The following IRF8 variants were observed in gnomAD, a reference collection of about 807,000 sequenced individuals.
IRF8 encodes the protein interferon regulatory factor 8.
In IRF8, 14 loss-of-function variants were observed where a neutral mutation model predicts 48.7. That is an observed-to-expected ratio of 0.29 (90% CI 0.19 to 0.45). IRF8 has a LOEUF of 0.45. IRF8 is among the 20% of genes least tolerant of loss of function. The probability of loss-of-function intolerance (pLI) is 1.00; values close to 1 mark genes in which losing one functional copy is unlikely to be tolerated. For synonymous variants in IRF8, 278 were observed against 227.3 expected (o/e 1.22, Z -2.01); for missense variants, 493 against 580.7 (o/e 0.85, Z 1.55).
At chr16:85,912,316 A>G (rs1475603919) in intron 4 of IRF8, among the ~76,000 whole-genome samples, 3 of 152,234 alleles carry the variant, frequency 2.0e-5, no homozygotes, top group Non-Finnish European at 4.4e-5. Flanking sequence ...TTTCATGGGT[A>G]TTACAAGGTG....
Position 85,913,239 on chromosome 16 carries a change from G to A in IRF8, c.553+3G>A. ...GTGGGCGCAGCAGCCCAGCACAGGT[G>A]AGGGTGGGTGGCCTAGAATTGTCAC... is the stretch of plus-strand genomic sequence containing the variant. On this transcript the variant is annotated splice_donor_region_variant and intron_variant, in intron 5 of 8. Transcript: ENST00000268638. 6.2e-7 allele frequency: 1 copy of A among 1,607,556 alleles called. No individual in the cohort carries two copies. The highest frequency in any genetic ancestry group is 1.1e-5 in the South Asian group (1 of 90,960).
rs202085053 is a variant in IRF8, at chr16:85,921,297, C to T, written c.*15C>T. The T allele has an allele frequency of 1.1e-5, 18 of 1,612,008 alleles. No homozygotes were observed. The highest frequency in any genetic ancestry group is 1.4e-5 in the Non-Finnish European group (16 of 1,179,690). On this transcript the variant is annotated 3_prime_UTR_variant, in exon 9 of 9. Coordinates refer to ENST00000268638, the MANE Select transcript of IRF8 (RefSeq NM_002163.4). ...TCACCGTCTAAGTGCGTCGCTTGGG[C>T]GCCCCACCCCGTCTGCGTCCTGCAT...
At chr16:85,909,876 T>A (rs1905097838) in intron 3 of IRF8, 1 of 152,496 alleles carries the variant, frequency 6.6e-6, no homozygotes, top group Non-Finnish European at 1.5e-5. Context: ...AAAACCTAAT[T>A]ACCAGCGCTG....
intron 2 of IRF8, among the ~76,000 whole-genome samples, chr16:85,908,242 A>G (rs1394415866): frequency 6.6e-6 from 1 of 152,138 alleles, no homozygotes; most frequent in Non-Finnish European, 1.5e-5. Context: ...CTGTATTCCA[A>G]TTTTGCAAGC....
Position 85,911,573 on chromosome 16 carries a change from A to T in IRF8, c.362A>T (p.Lys121Ile), listed in dbSNP as rs145943537. Residue 121 changes from lysine to isoleucine, a missense_variant, in exon 4 of 9, where the codon AAA (lysine) becomes ATA (isoleucine). Physicochemically the swap from Lys to Ile is moderately radical, Grantham distance 102. Transcript: ENST00000268638. ...RIVPEEEQKC[K>I]LGVATAGCVN... ...GTGTTTGTCTGGTTTTCTGTAGGCA[A>T]ACTAGGCGTGGCAACTGCTGGCTGC... The T allele has an allele frequency of 4.3e-6, 7 of 1,613,898 alleles. No individual in the cohort carries two copies. In the African/African-American group the frequency reaches 9.3e-5, roughly 22 times the overall value.
At chr16:85,899,831 C>T (rs562996403) in intron 1 of IRF8, among the ~76,000 whole-genome samples, 1 of 152,272 alleles carries the variant, frequency 6.6e-6, no homozygotes, top group Admixed American at 6.5e-5. Flanking sequence ...ATTGAAAGAA[C>T]ATTGTTTGTA....
At chr16:85,919,577 C>G (rs1050510333) in intron 7 of IRF8, among the ~76,000 whole-genome samples, 4 of 152,210 alleles carry the variant, frequency 2.6e-5, no homozygotes, top group Non-Finnish European at 4.4e-5. Context: ...GCAGGCAGAG[C>G]GGCACAGAAG....
chr16:85,913,124 T>C lies in IRF8; in HGVS notation c.448-7T>C, dbSNP rs1468636546. 1 of 1,611,128 alleles carries C rather than the reference T, an allele frequency of 6.2e-7. No homozygotes were observed. Among genetic ancestry groups the C allele is most frequent in the Admixed American group, 1.7e-5 (1 of 60,026 alleles). On this transcript the variant is annotated splice_region_variant and splice_polypyrimidine_tract_variant and intron_variant, in intron 4 of 8. Transcript: ENST00000268638. Reference sequence around the variant, plus strand: ...GCTGCCCTCCTCTCCCTCCCCTGACTGTGCAGCCTTCTGTGGACGATTACA... The same window carrying C: ...GCTGCCCTCCTCTCCCTCCCCTGACCGTGCAGCCTTCTGTGGACGATTACA...
intron 6 of IRF8, among the ~76,000 whole-genome samples, chr16:85,916,309 G>C (rs138511232): frequency 5.9e-5 from 9 of 152,340 alleles, no homozygotes; most frequent in Non-Finnish European, 1.0e-4. Flanking sequence ...GGGACCGCAC[G>C]TCAGGCAGGT....
intron 5 of IRF8, among the ~76,000 whole-genome samples, chr16:85,913,586 G>GC (rs887197712): frequency 6.6e-6 from 1 of 152,188 alleles, no homozygotes; most frequent in Non-Finnish European, 1.5e-5. Flanking sequence ...CCACGCTGGC[G>GC]CCCCCTCCCT....
chr16:85,914,453 C>G lies in IRF8; in HGVS notation c.554-20C>G, dbSNP rs371926445. The G allele has an allele frequency of 1.9e-6, 3 of 1,614,032 alleles. No homozygotes were observed. Among genetic ancestry groups the G allele is most frequent in the African/African-American group, 2.7e-5 (2 of 74,938 alleles). On this transcript the variant is annotated intron_variant, in intron 5 of 8. Transcript: ENST00000268638. Reference sequence around the variant, plus strand: ...CCACACCTGGGTGGCTCTGAGCTTGCTTTTCTGTTTCTCCTGCAGGCGTGC... The same window carrying G: ...CCACACCTGGGTGGCTCTGAGCTTGGTTTTCTGTTTCTCCTGCAGGCGTGC...
At chr16:85,916,439 C>A (rs984677271) in intron 6 of IRF8, among the ~76,000 whole-genome samples, 1 of 152,164 alleles carries the variant, frequency 6.6e-6, no homozygotes, top group Non-Finnish European at 1.5e-5. Context: ...TCGCAGCAGG[C>A]CCTTACTGTT....
At position 85,913,388 on chromosome 16, in the gene IRF8, C is replaced by T. The variant is rs906698364; in HGVS notation, c.553+152C>T. The T allele has an allele frequency of 8.1e-5, 54 of 670,258 alleles. No individual in the cohort carries two copies. In the Admixed American group the frequency reaches 1.1e-3, roughly 14 times the overall value. 41.5% of individuals were successfully genotyped at this position (670,258 alleles called of 1,614,324 possible). On this transcript the variant is annotated intron_variant, in intron 5 of 8. Transcript: ENST00000268638. ...CCCTGAGAGGTGAAGAACGATGGCC[C>T]TGGTTTCCCAACATGAGGGCAGAGC...
chr16:85,909,151 T>A lies in IRF8; in HGVS notation c.336T>A (p.Ile112=). The change falls in exon 3 of 9, where the codon ATT becomes ATA. Residue 112 remains isoleucine (I), a synonymous_variant. Coordinates refer to ENST00000268638, the MANE Select transcript of IRF8 (RefSeq NM_002163.4). ...CCGAGCCATACAAAGTTTACCGAAT[T>A]GTTCCTGAGGAAGAGCAAAAATGTA... ...DISEPYKVYR[I]VPEEEQKCKL... is the part of the protein sequence containing the mutation. 6.2e-7 allele frequency: 1 copy of A among 1,614,184 alleles called. No individual in the cohort carries two copies. The highest frequency in any genetic ancestry group is 8.5e-7 in the Non-Finnish European group (1 of 1,180,026).
chr16:85,919,447 T>A (rs1164791516), intron 7 of IRF8, among the ~76,000 whole-genome samples: 2 of 152,122 alleles, frequency 1.3e-5, no homozygotes, highest in African/African-American at 4.8e-5. Flanking sequence ...GCCACTGGCC[T>A]GAGAACTGCC....
At chr16:85,914,010 C>T (rs761262885) in intron 5 of IRF8, 6 of 212,230 alleles carry the variant, frequency 2.8e-5, no homozygotes, top group African/African-American at 6.9e-5. Context: ...GCCCCGGAGG[C>T]CTTGAAGGTT....
Position 85,919,578 on chromosome 16 carries a change from G to A in IRF8, c.989-531G>A, listed in dbSNP as rs138413110. Among the ~76,000 whole-genome samples the A allele has an allele frequency of 1.4e-3, 212 of 152,332 alleles. 1 individual carries two copies. Among genetic ancestry groups the A allele is most frequent in the African/African-American group, 4.7e-3 (194 of 41,580 alleles). ...GTTATCACCCCTGAGCAGGCAGAGC[G>A]GCACAGAAGTGCGTCCTGCAATGTA... is the stretch of plus-strand genomic sequence containing the variant. On this transcript the variant is annotated intron_variant, in intron 7 of 8. Coordinates refer to ENST00000268638, the MANE Select transcript of IRF8 (RefSeq NM_002163.4).
At chr16:85,914,150 G>A (rs1567474775) in intron 5 of IRF8, 3 of 403,960 alleles carry the variant, frequency 7.4e-6, no homozygotes, top group Non-Finnish European at 1.4e-5. Context: ...TGGTGGGTAT[G>A]CAGTCCAGTG....
intron 3 of IRF8, among the ~76,000 whole-genome samples, chr16:85,911,266 A>G (rs1905133638): frequency 6.6e-6 from 1 of 152,244 alleles, no homozygotes; most frequent in African/African-American, 2.4e-5. Flanking sequence ...TGTAAAGTAT[A>G]TCTGATACAG....
Sources: gnomAD v4.1 joint callset for allele counts (sites outside exome capture counted in the v4.1 genomes callset) on GRCh38, gnomAD v4.1.1 for gene constraint, MANE v1.5 for transcripts, NCBI Gene and HGNC (gene_info 2026-07-23, HGNC 2026-07-21) for gene names.